The following GOPC variants were observed in gnomAD, a reference collection of about 807,000 sequenced individuals.
GOPC encodes Golgi-associated PDZ and coiled-coil motif-containing protein.
In GOPC, 32 loss-of-function variants were observed where a neutral mutation model predicts 51.2. The ratio of observed to expected loss-of-function variants is 0.63; its 90% CI spans 0.47 to 0.84. The LOEUF (loss-of-function observed/expected upper bound fraction) is 0.84. Ranked by LOEUF, GOPC falls within the 40% of genes least tolerant of loss-of-function variation. GOPC has a pLI of 0.00. For synonymous variants in GOPC, 190 were observed against 205.1 expected, an observed-to-expected ratio of 0.93 and a Z score of 0.63; for missense variants, 441 against 555.5, an observed-to-expected ratio of 0.79 and a Z score of 2.07.
intron 1 of GOPC, among the ~76,000 whole-genome samples, chr6:117,589,525 G>GTC (rs993704021): frequency 6.6e-6 from 1 of 152,148 alleles, no homozygotes; most frequent in African/African-American, 2.4e-5. Context: ...CACCATGTTG[G>GTC]TCAGGCTGGT....
In GOPC at chr6:117,561,294, C is replaced by T. The variant is rs556220327; in HGVS notation, c.*1960G>A. 3.6e-4 allele frequency: 81 copies of T among 223,884 alleles called. No homozygotes were observed. Among genetic ancestry groups the T allele is most frequent in the African/African-American group, 1.6e-3 (74 of 44,990 alleles). The allele number at this position is 223,884 out of a possible 1,614,324, so 13.9% of individuals were successfully genotyped here. On this transcript the variant is annotated 3_prime_UTR_variant, in exon 9 of 9. Transcript: ENST00000368498. ...AAAACCACCTCTTCATACACTTATT[C>T]GGTAGTTCTTGAAAATCAAAGGGTT...
intron 2 of GOPC, among the ~76,000 whole-genome samples, chr6:117,577,926 T>G (rs985437970): frequency 6.6e-6 from 1 of 152,074 alleles, no homozygotes; most frequent in African/African-American, 2.4e-5. Flanking sequence ...TAGGAACTAA[T>G]TAACCAAATG....
rs529112683 is a variant in GOPC, at chr6:117,569,949, A to AC, written c.913-214dup. On this transcript the variant is annotated intron_variant, in intron 6 of 8. Transcript: ENST00000368498. ...TGGCTAAATTCTTAAATTAAAAAAA[A>AC]CTTATGTGTTAGTACTCCATAGCAC... 6.2e-3 allele frequency: 2,803 copies of AC among 454,474 alleles called. 19 individuals are homozygous for AC. Among genetic ancestry groups the AC allele is most frequent in the Non-Finnish European group, 6.7e-3 (1,851 of 277,384 alleles). 28.2% of individuals were successfully genotyped at this position (454,474 alleles called of 1,614,324 possible). A position where few individuals can be genotyped will look rare whatever the true frequency, so the allele number is the denominator to read the frequency against.
At chr6:117,566,669 T>C (rs1779703505) in intron 8 of GOPC, among the ~76,000 whole-genome samples, 185 bp downstream of exon 8, 2 of 152,152 alleles carry the variant, frequency 1.3e-5, no homozygotes, top group South Asian at 2.1e-4. Context: ...AAGATGAATA[T>C]AGAAGAACAT....
intron 1 of GOPC, among the ~76,000 whole-genome samples, chr6:117,579,428 G>C (rs780797986): frequency 6.6e-6 from 1 of 152,056 alleles, no homozygotes; most frequent in African/African-American, 2.4e-5. Context: ...TGTGTGCTGT[G>C]GTGGATCACT....
Position 117,560,976 on chromosome 6 carries a change from C to G in GOPC, c.*2278G>C, listed in dbSNP as rs1170965735. 1 of 213,176 alleles carries G rather than the reference C, an allele frequency of 4.7e-6. No individual in the cohort carries two copies. Among genetic ancestry groups the G allele is most frequent in the Non-Finnish European group, 9.5e-6 (1 of 105,428 alleles). 13.2% of individuals were successfully genotyped at this position (213,176 alleles called of 1,614,324 possible). On this transcript the variant is annotated 3_prime_UTR_variant, in exon 9 of 9. Coordinates refer to ENST00000368498, the MANE Select transcript of GOPC (RefSeq NM_020399.4). Reference sequence around the variant, plus strand: ...GTTCTCAGTCCTTTGGAACTAATAACTAATTCTTAGTTCATCCCCAAAAAC... The same window carrying G: ...GTTCTCAGTCCTTTGGAACTAATAAGTAATTCTTAGTTCATCCCCAAAAAC...
In GOPC at chr6:117,567,013, C is replaced by A. The variant is rs367641070; in HGVS notation, c.1099G>T (p.Val367Leu). Residue 367 changes from valine (V) to leucine (L), a missense_variant, in exon 8 of 9, where the codon GTA becomes TTA. Physicochemically the swap from Val to Leu is conservative, Grantham distance 32 (BLOSUM62 1). Around this residue, in one of 3 missense-constraint regions of GOPC, gnomAD observed 166 missense variants for 267.0 expected, o/e 0.62. Transcript: ENST00000368498. ...TCCACTTCAGGAGCCACATAAACTA[C>A]TTCAAATTCAATCTCTCCTCTCTAA... ...SQQRGEIEFEVVYVAPEVDSD... is the reference protein window; with the variant it reads ...SQQRGEIEFELVYVAPEVDSD... 6.3e-7 allele frequency: 1 copy of A among 1,589,912 alleles called. No individual in the cohort carries two copies. Among genetic ancestry groups the A allele is most frequent in the Non-Finnish European group, 8.5e-7 (1 of 1,172,500 alleles).
intron 1 of GOPC, among the ~76,000 whole-genome samples, chr6:117,600,935 T>A (rs1771995018): frequency 6.6e-6 from 1 of 152,194 alleles, no homozygotes; most frequent in Non-Finnish European, 1.5e-5. Flanking sequence ...TGCCACATAT[T>A]TCATGGCTAA....
At chr6:117,575,047 C>A in intron 4 of GOPC, 130 bp downstream of exon 4, 1 of 667,532 alleles carries the variant, frequency 1.5e-6, no homozygotes. Flanking sequence ...CCACTGCACT[C>A]CAGCCTGGGC....
At chr6:117,574,980 G>C (rs2114611843) in intron 4 of GOPC, among the ~76,000 whole-genome samples, 197 bp downstream of exon 4, 1 of 152,268 alleles carries the variant, frequency 6.6e-6, no homozygotes, top group African/African-American at 2.4e-5. Context: ...TCAGGAGGCT[G>C]AGGTAGGAGA....
At chr6:117,574,876 T>A (rs1362351825) in intron 4 of GOPC, among the ~76,000 whole-genome samples, 1 of 152,024 alleles carries the variant, frequency 6.6e-6, no homozygotes. Flanking sequence ...GTCAGGAGTT[T>A]GAGACCAGCC....
intron 1 of GOPC, among the ~76,000 whole-genome samples, chr6:117,587,511 A>T (rs1405869073): frequency 2.6e-5 from 4 of 151,478 alleles, no homozygotes; most frequent in African/African-American, 7.3e-5. Flanking sequence ...ATAAATAAAT[A>T]AATAAATTTA....
intron 1 of GOPC, among the ~76,000 whole-genome samples, chr6:117,586,457 G>T (rs1025276232): frequency 8.3e-5 from 12 of 143,832 alleles, no homozygotes; most frequent in African/African-American, 2.5e-4. Flanking sequence ...ACTTTTAAAA[G>T]AATGCATCAC....
At chr6:117,564,890 T>G (rs1484759560) in intron 8 of GOPC, among the ~76,000 whole-genome samples, 2 of 152,204 alleles carry the variant, frequency 1.3e-5, no homozygotes, top group Non-Finnish European at 2.9e-5. Flanking sequence ...GCAGACAGTT[T>G]ACAACACACA....
chr6:117,594,901 T>C (rs996637491), intron 1 of GOPC, among the ~76,000 whole-genome samples: 1 of 152,184 alleles, frequency 6.6e-6, no homozygotes, highest in Non-Finnish European at 1.5e-5. Flanking sequence ...TTTTAAAGTA[T>C]TGGTTCACAA....
chr6:117,562,582 TG>T lies in GOPC; in HGVS notation c.*671del, dbSNP rs1779606808. The T allele has an allele frequency of 4.9e-6, 1 of 202,648 alleles. No homozygotes were observed. Among genetic ancestry groups the T allele is most frequent in the African/African-American group, 2.3e-5 (1 of 43,658 alleles). The allele number at this position is 202,648 out of a possible 1,614,324, so 12.6% of individuals were successfully genotyped here. A position where few individuals can be genotyped will look rare whatever the true frequency, so the allele number is the denominator to read the frequency against. ...CTTTTAAAAAACAAAAAAAGTAAAA[TG>T]TTTAGTAACTTTTGAGAATCTATTT... On this transcript the variant is annotated 3_prime_UTR_variant, in exon 9 of 9. Coordinates refer to ENST00000368498, the MANE Select transcript of GOPC (RefSeq NM_020399.4).
chr6:117,573,112 A>G (rs536332295), intron 5 of GOPC, among the ~76,000 whole-genome samples: 1 of 152,196 alleles, frequency 6.6e-6, no homozygotes, highest in Non-Finnish European at 1.5e-5. Flanking sequence ...CTACCCCAAA[A>G]TATCTGCCAA....
At chr6:117,584,196 C>T (rs187936117) in intron 1 of GOPC, among the ~76,000 whole-genome samples, 1 of 152,246 alleles carries the variant, frequency 6.6e-6, no homozygotes, top group Admixed American at 6.5e-5. Flanking sequence ...CTTCTGTGAC[C>T]AAATGTGGGG....
At chr6:117,599,766 A>G (rs1771961636) in intron 1 of GOPC, among the ~76,000 whole-genome samples, 1 of 152,236 alleles carries the variant, frequency 6.6e-6, no homozygotes, top group Admixed American at 6.5e-5. Flanking sequence ...TTCTGAAAAA[A>G]GAACATGCAT....
Sources: gnomAD v4.1 joint callset for allele counts (sites outside exome capture counted in the v4.1 genomes callset) on GRCh38, gnomAD v4.1.1 for gene constraint, gnomAD v4.1.1 regional missense constraint, MANE v1.5 for transcripts, NCBI Gene and HGNC (gene_info 2026-07-23, HGNC 2026-07-21) for gene names.